The following COXFA4 variants were observed in gnomAD, a reference collection of about 807,000 sequenced individuals.
COXFA4 encodes the protein cytochrome c oxidase subunit FA4.
the COXFA4 span, chr7:10,933,543 A>G: frequency 1.1e-6 from 1 of 908,554 alleles, no homozygotes; most frequent in East Asian, 2.4e-5. Context: ...ATGCATTTAG[A>G]GGAGAAATAT....
the COXFA4 span, chr7:10,933,603 A>G: frequency 2.5e-6 from 4 of 1,578,162 alleles, no homozygotes; most frequent in African/African-American, 2.7e-5. Context: ...GAAGACCTTC[A>G]TTCTAAAGCA....
the COXFA4 span, chr7:10,938,534 T>C: frequency 2.3e-6 from 1 of 433,800 alleles, no homozygotes; most frequent in African/African-American, 2.0e-5. Flanking sequence ...GATTATTTTA[T>C]AAAAACAATT....
chr7:10,940,070 G>A, the COXFA4 span: 10,842 of 1,613,472 alleles, frequency 6.7e-3, 545 homozygotes, highest in East Asian at 0.14. Flanking sequence ...TTGCGGCAGA[G>A]GTCTCCGACT....
chr7:10,933,304 C>G, the COXFA4 span: 1 of 250,616 alleles, frequency 4.0e-6, no homozygotes, highest in African/African-American at 2.3e-5. Flanking sequence ...AAGTTACCAA[C>G]AGTCTATACA....
the COXFA4 span, chr7:10,940,033 C>T: frequency 4.3e-6 from 7 of 1,613,762 alleles, no homozygotes; most frequent in Non-Finnish European, 5.9e-6. Context: ...TGCTTCTTGG[C>T]CTGACCGATG....
At chr7:10,939,834 T>C in the COXFA4 span, 1 of 747,604 alleles carries the variant, frequency 1.3e-6, no homozygotes, top group Admixed American at 1.9e-5. Context: ...AACCCCACAA[T>C]GCATGGCGTA....
the COXFA4 span, chr7:10,933,630 T>C: frequency 6.2e-7 from 1 of 1,607,116 alleles, no homozygotes; most frequent in Middle Eastern, 1.7e-4. Context: ...TAGTGAAACA[T>C]TTCATTTAGA....
At chr7:10,938,136 T>G in the COXFA4 span, 6 of 1,612,966 alleles carry the variant, frequency 3.7e-6, no homozygotes, top group East Asian at 1.1e-4. Context: ...CTCTGGGTTA[T>G]TTCTGTCCCA....
At chr7:10,933,365 C>CAGAAATTCA in the COXFA4 span, 21 of 403,576 alleles carry the variant, frequency 5.2e-5, no homozygotes. Context: ...TTTCAAACTA[C>CAGAAATTCA]AGAAATTCAA....
chr7:10,938,712 T>A, the COXFA4 span: 1 of 865,948 alleles, frequency 1.2e-6, no homozygotes, highest in South Asian at 1.4e-5. Context: ...AATGTAACAT[T>A]CTTTCTACTA....
At chr7:10,939,152 T>C in the COXFA4 span, 4 of 384,512 alleles carry the variant, frequency 1.0e-5, no homozygotes, top group African/African-American at 8.2e-5. Flanking sequence ...GTGGAGCAAA[T>C]TATAGGTACA....
the COXFA4 span, among the ~76,000 whole-genome samples, chr7:10,934,052 G>C: frequency 6.6e-6 from 1 of 152,044 alleles, no homozygotes; most frequent in Admixed American, 6.6e-5. Flanking sequence ...TAAGTACGTG[G>C]AAGAATCGCC....
the COXFA4 span, among the ~76,000 whole-genome samples, chr7:10,934,450 T>G: frequency 2.0e-5 from 3 of 151,508 alleles, no homozygotes; most frequent in African/African-American, 4.9e-5. Flanking sequence ...GTCCAGAGTT[T>G]CTACTAAGGA....
chr7:10,933,711 A>G, the COXFA4 span: 17 of 1,587,890 alleles, frequency 1.1e-5, no homozygotes, highest in Middle Eastern at 5.0e-4. Context: ...AGAAAAAAAG[A>G]TATTTTAAGT....
chr7:10,932,434 G>A, the COXFA4 span: 6 of 152,176 alleles, frequency 3.9e-5, no homozygotes, highest in African/African-American at 1.2e-4. Context: ...AATTCAACTC[G>A]TTTAACAATT....
At chr7:10,940,141 A>C in the COXFA4 span, 41 of 1,381,054 alleles carry the variant, frequency 3.0e-5, no homozygotes, top group South Asian at 4.3e-4. Context: ...GCAATGAGAC[A>C]CTACGGACTT....
chr7:10,938,681 T>C, the COXFA4 span: 1 of 723,946 alleles, frequency 1.4e-6, no homozygotes, highest in Non-Finnish European at 2.5e-6. Context: ...ATTTGAGATC[T>C]GAACTTATTG....
At chr7:10,938,448 CT>C in the COXFA4 span, 1 of 437,366 alleles carries the variant, frequency 2.3e-6, no homozygotes, top group African/African-American at 2.0e-5. Context: ...ATGAATCAAT[CT>C]TTTGATTGTC....
chr7:10,933,777 T>G, the COXFA4 span: 1 of 967,490 alleles, frequency 1.0e-6, no homozygotes, highest in African/African-American at 1.6e-5. Flanking sequence ...TATTTGGTTT[T>G]CTACAGTAAC....
Sources: allele counts gnomAD v4.1 joint callset (sites outside exome capture counted in the v4.1 genomes callset), GRCh38; gene constraint gnomAD v4.1.1; transcripts MANE v1.5; gene names NCBI Gene and HGNC (gene_info 2026-07-23, HGNC 2026-07-21).